STK3: variants seen among roughly 807,000 people sequenced by gnomAD.
STK3 encodes serine/threonine kinase 3, also known as serine/threonine-protein kinase 3.
In STK3, 41 loss-of-function variants were observed where a neutral mutation model predicts 58.0. The ratio of observed to expected loss-of-function variants is 0.71; its 90% CI spans 0.55 to 0.92. The LOEUF is 0.92. Among genes scored for constraint, STK3 ranks in the 40% least tolerant of loss-of-function variants. The pLI is 0.00. For synonymous variants in STK3, 170 were observed against 191.0 expected, an observed-to-expected ratio of 0.89 and a Z score of 0.91; for missense variants, 479 against 602.7, an observed-to-expected ratio of 0.79 and a Z score of 2.15.
intron 6 of STK3, among the ~76,000 whole-genome samples, chr8:98,634,166 G>T (rs1819461912): frequency 6.6e-6 from 1 of 152,024 alleles, no homozygotes; most frequent in Non-Finnish European, 1.5e-5. Flanking sequence ...AAGGAGGGAA[G>T]GAAACATCAA....
chr8:98,587,187 G>A (rs1294454793), intron 7 of STK3, among the ~76,000 whole-genome samples: 4 of 152,036 alleles, frequency 2.6e-5, no homozygotes, highest in Non-Finnish European at 4.4e-5. Flanking sequence ...TAATTGTGAT[G>A]TTAGGGTGTC....
intron 3 of STK3, among the ~76,000 whole-genome samples, chr8:98,414,294 A>G (rs1041656706): frequency 1.7e-4 from 26 of 152,108 alleles, no homozygotes; most frequent in Non-Finnish European, 4.4e-5. Context: ...ATAAAATAAA[A>G]TAGTAATTTC....
chr8:98,893,513 AAAG>A (rs1444600947), intron 1 of STK3, among the ~76,000 whole-genome samples: 213 of 133,812 alleles, frequency 1.6e-3, no homozygotes, highest in Middle Eastern at 3.6e-3. Context: ...AGAAAGAAAG[AAAG>A]AAAGAAAGAA....
intron 8 of STK3, among the ~76,000 whole-genome samples, chr8:98,557,451 C>T (rs139752921): frequency 6.6e-6 from 1 of 152,148 alleles, no homozygotes; most frequent in Non-Finnish European, 1.5e-5. Flanking sequence ...GTTATTAATA[C>T]ACAAGGTTGT....
At chr8:98,853,133 A>G (rs1055827148) in intron 3 of STK3, among the ~76,000 whole-genome samples, 1 of 152,074 alleles carries the variant, frequency 6.6e-6, no homozygotes, top group Non-Finnish European at 1.5e-5. Context: ...TTCCTAGGGT[A>G]TCACTCTCAC....
At chr8:98,781,171 A>G (rs549339411) in intron 1 of STK3, among the ~76,000 whole-genome samples, 5 of 152,334 alleles carry the variant, frequency 3.3e-5, no homozygotes, top group African/African-American at 9.6e-5. Flanking sequence ...GAGCCCTGCC[A>G]TCGCCCAGGC....
At chr8:98,725,343 A>G (rs1199060089) in intron 4 of STK3, among the ~76,000 whole-genome samples, 6 of 152,326 alleles carry the variant, frequency 3.9e-5, no homozygotes, top group Admixed American at 3.3e-4. Flanking sequence ...ATTGAAGGGT[A>G]GATGTGAAGA....
chr8:98,453,370 A>T (rs1819293639), downstream of STK3, among the ~76,000 whole-genome samples: 1 of 152,156 alleles, frequency 6.6e-6, no homozygotes, highest in Admixed American at 6.6e-5. Flanking sequence ...TACAGGTGTG[A>T]GCCACTGCAC....
At chr8:98,903,986 T>A (rs1322091820) in intron 1 of STK3, among the ~76,000 whole-genome samples, 2 of 152,218 alleles carry the variant, frequency 1.3e-5, no homozygotes, top group Non-Finnish European at 2.9e-5. Context: ...ACTATGCTCA[T>A]GTTTATGTCT....
At chr8:98,710,468 T>C (rs1390064466) in intron 4 of STK3, among the ~76,000 whole-genome samples, 1 of 152,198 alleles carries the variant, frequency 6.6e-6, no homozygotes, top group East Asian at 1.9e-4. Flanking sequence ...CCAATGGTCT[T>C]AGCAAACGGC....
At chr8:98,667,724 TACAAA>T (rs890040687) in intron 6 of STK3, among the ~76,000 whole-genome samples, 7 of 152,078 alleles carry the variant, frequency 4.6e-5, no homozygotes, top group Admixed American at 1.3e-4. Flanking sequence ...AAAAACGAAG[TACAAA>T]ACAAATGTTA....
At chr8:98,681,068 G>A (rs777427637) in intron 6 of STK3, among the ~76,000 whole-genome samples, 6 of 148,750 alleles carry the variant, frequency 4.0e-5, no homozygotes, top group East Asian at 2.0e-4. Flanking sequence ...GCATGATCTC[G>A]GCTCACTGCA....
At chr8:98,903,559 T>TCTTCCTCTTCTTC (rs1234506460) in intron 1 of STK3, among the ~76,000 whole-genome samples, 1 of 87,180 alleles carries the variant, frequency 1.1e-5, no homozygotes, top group African/African-American at 5.0e-5. Flanking sequence ...TCTTCTTCCT[T>TCTTCCTCTTCTTC]TTTTTTTTTT....
chr8:98,643,025 C>G (rs959192754), intron 6 of STK3, among the ~76,000 whole-genome samples: 1 of 152,062 alleles, frequency 6.6e-6, no homozygotes, highest in Non-Finnish European at 1.5e-5. Flanking sequence ...GAGTTTGGGA[C>G]CAGCTTGAGC....
rs369647128 is a variant in STK3, at chr8:98,669,933, T to C, written c.684+36534A>G. Among the ~76,000 whole-genome samples, 20 of 152,360 alleles carry C rather than the reference T, an allele frequency of 1.3e-4. 1 individual carries two copies. The highest frequency in any genetic ancestry group is 4.8e-4 in the African/African-American group (20 of 41,588). On this transcript the variant is annotated intron_variant, in intron 6 of 10. Transcript: ENST00000419617. ...AAATGAAGAGATGTTCAGAAGGCTG[T>C]AGCTGCTAGCATTCTTCCACCATAA...
intron 1 of STK3, among the ~76,000 whole-genome samples, chr8:98,794,217 G>A (rs557672302): frequency 2.6e-4 from 40 of 152,028 alleles, no homozygotes; most frequent in Non-Finnish European, 4.1e-4. Flanking sequence ...ACAAAGGATC[G>A]ATGAAACAAA....
intron 6 of STK3, among the ~76,000 whole-genome samples, chr8:98,683,224 T>C (rs1823760527): frequency 6.6e-6 from 1 of 151,986 alleles, no homozygotes; most frequent in African/African-American, 2.4e-5. Flanking sequence ...GTTAAATAAA[T>C]AAATTGTGCT....
intron 1 of STK3, among the ~76,000 whole-genome samples, chr8:98,941,152 C>G (rs1032361736): frequency 1.3e-5 from 2 of 152,210 alleles, no homozygotes; most frequent in Non-Finnish European, 1.5e-5. Flanking sequence ...CCGCCGGCTG[C>G]GGACTGCAGC....
At chr8:98,481,878 T>C (rs768340337) in intron 10 of STK3, among the ~76,000 whole-genome samples, 1 of 152,220 alleles carries the variant, frequency 6.6e-6, no homozygotes, top group Non-Finnish European at 1.5e-5. Context: ...ATAATCAGAC[T>C]TCTCCTTTAC....
Sources: gnomAD v4.1 joint callset for allele counts (sites outside exome capture counted in the v4.1 genomes callset) on GRCh38, gnomAD v4.1.1 for gene constraint, MANE v1.5 for transcripts, NCBI Gene and HGNC (gene_info 2026-07-23, HGNC 2026-07-21) for gene names.